Variants in KYAT1 observed in about 807,000 individuals in gnomAD.
KYAT1 encodes the protein kynurenine aminotransferase 1.
Under a neutral mutation model 52.4 loss-of-function variants are expected in KYAT1, and 47 were observed. The observed-to-expected ratio is 0.90, with a 90% CI of 0.71 to 1.14. The LOEUF is 1.14. Ranked by LOEUF, KYAT1 falls within the 50% of genes most tolerant of loss-of-function variation. The pLI is 0.00. For missense variants in KYAT1, 480 were observed against 557.9 expected (o/e 0.86, Z 1.41); for synonymous variants, 212 against 209.6 (o/e 1.01, Z -0.10).
chr9:128,870,374 G>A (rs773849089), intron 1 of KYAT1, among the ~76,000 whole-genome samples: 3 of 152,170 alleles, frequency 2.0e-5, no homozygotes, highest in Admixed American at 6.6e-5. Context: ...AGGCCAGGGC[G>A]ACATGGCTGA....
intron 1 of KYAT1, among the ~76,000 whole-genome samples, chr9:128,865,802 G>C (rs1836287522): frequency 6.6e-6 from 1 of 152,112 alleles, no homozygotes; most frequent in African/African-American, 2.4e-5. Flanking sequence ...GATAACCAGG[G>C]ATGGGGAACT....
chr9:128,836,861 C>A lies in KYAT1; in HGVS notation c.629G>T (p.Cys210Phe), dbSNP rs368068839. 2.5e-6 allele frequency: 4 copies of A among 1,613,864 alleles called. No homozygotes were observed. Among genetic ancestry groups the A allele is most frequent in the Non-Finnish European group, 3.4e-6 (4 of 1,179,990 alleles). Reference sequence around the variant, plus strand: ...CCACTGGTAGACTTCATCAGTGATACACACCACGTCATGCTGCTGGCAAAG... The same window carrying A: ...CCACTGGTAGACTTCATCAGTGATAAACACCACGTCATGCTGCTGGCAAAG... Reference protein sequence around the residue: ...ASLCQQHDVVCITDEVYQWMV... With the variant: ...ASLCQQHDVVFITDEVYQWMV... Residue 210 changes from cysteine to phenylalanine, a missense_variant, in exon 7 of 13, where the codon TGT (cysteine) becomes TTT (phenylalanine). Physicochemically the swap from Cys to Phe is radical, Grantham distance 205 (BLOSUM62 -2). Transcript: ENST00000302586.
rs373732706 is a variant in KYAT1 at position 128,838,126 on chromosome 9, G to A, written c.363C>T (p.Ile121=). ...LVDEGDEVII[I]EPFFDCYEPM... ...GCTCGTAGCAGTCAAAAAAGGGTTC[G>A]ATGATGATGACCTGATATAAGGGTC... The change falls in exon 5 of 13, where the codon ATC becomes ATT. Residue 121 remains isoleucine (I), a synonymous_variant. Transcript: ENST00000302586. The A allele has an allele frequency of 1.9e-5, 31 of 1,614,082 alleles. No individual in the cohort carries two copies. Among genetic ancestry groups the A allele is most frequent in the South Asian group, 1.4e-4 (13 of 91,074 alleles).
intron 1 of KYAT1, chr9:128,847,389 C>A: frequency 7.4e-7 from 1 of 1,360,328 alleles, no homozygotes. Context: ...CCCCAGAAGC[C>A]CCAGGCCATG....
intron 1 of KYAT1, among the ~76,000 whole-genome samples, chr9:128,857,697 G>A (rs1485201273): frequency 3.3e-5 from 5 of 152,138 alleles, no homozygotes; most frequent in African/African-American, 7.2e-5. Flanking sequence ...TTAGCTGGGC[G>A]TGGTGGTGGG....
chr9:128,836,172 C>A, intron 7 of KYAT1, 99 bp from the exon 8 acceptor site: 1 of 944,004 alleles, frequency 1.1e-6, no homozygotes, highest in Non-Finnish European at 1.6e-6. Flanking sequence ...GCTTTTGACA[C>A]CCTGGATTCC....
At chr9:128,861,771 C>T (rs918371305) in intron 1 of KYAT1, among the ~76,000 whole-genome samples, 4 of 152,234 alleles carry the variant, frequency 2.6e-5, no homozygotes, top group African/African-American at 9.6e-5. Context: ...GGATGAGCGG[C>T]CCAAGGGCAG....
At chr9:128,846,507 G>A (rs2977993) in intron 1 of KYAT1, among the ~76,000 whole-genome samples, 87,085 of 149,822 alleles carry the variant, frequency 0.58, 28,513 homozygotes, top group Non-Finnish European at 0.71. Context: ...GCTGAGGCCT[G>A]AGAATCACTT....
intron 1 of KYAT1, among the ~76,000 whole-genome samples, chr9:128,880,978 A>G (rs1838777215): frequency 3.3e-5 from 5 of 152,202 alleles, no homozygotes; most frequent in Admixed American, 1.3e-4. Context: ...GACAACCGCA[A>G]TTAACAACTT....
chr9:128,870,950 CAAA>C (rs11334239), intron 1 of KYAT1, among the ~76,000 whole-genome samples: 6 of 98,018 alleles, frequency 6.1e-5, no homozygotes, highest in African/African-American at 2.0e-4. Flanking sequence ...ACCTCAATTA[CAAA>C]AAAAAAAAAA....
At chr9:128,857,046 G>T (rs773205758) in intron 1 of KYAT1, among the ~76,000 whole-genome samples, 3 of 152,248 alleles carry the variant, frequency 2.0e-5, no homozygotes, top group African/African-American at 7.2e-5. Flanking sequence ...GCCCTATGGC[G>T]GGAGGCGAGA....
chr9:128,865,378 T>TTA (rs1836224723), intron 1 of KYAT1, among the ~76,000 whole-genome samples: 1 of 104,604 alleles, frequency 9.6e-6, no homozygotes, highest in Non-Finnish European at 1.8e-5. Context: ...TTTTTTTTTT[T>TTA]TGAGACAGAG....
chr9:128,860,095 C>G (rs975289242), intron 1 of KYAT1: 4 of 152,128 alleles, frequency 2.6e-5, no homozygotes, highest in African/African-American at 9.7e-5. Flanking sequence ...GTTTTGATAT[C>G]CAAAGGGCAG....
At chr9:128,863,997 A>G (rs191905554) in intron 1 of KYAT1, among the ~76,000 whole-genome samples, 252 of 152,094 alleles carry the variant, frequency 1.7e-3, no homozygotes, top group African/African-American at 5.7e-3. Flanking sequence ...CAGCCCTGGC[A>G]GTCACCTTTT....
At chr9:128,838,806 A>C (rs935506112) in intron 3 of KYAT1, among the ~76,000 whole-genome samples, 1 of 152,182 alleles carries the variant, frequency 6.6e-6, no homozygotes, top group Non-Finnish European at 1.5e-5. Flanking sequence ...GAACCAGAGG[A>C]AGTGCTTGCC....
chr9:128,865,196 G>C (rs1400562358), intron 1 of KYAT1, among the ~76,000 whole-genome samples: 2 of 138,472 alleles, frequency 1.4e-5, no homozygotes, highest in African/African-American at 5.8e-5. Context: ...CTGCACTGCA[G>C]CCTGAGTGAC....
At chr9:128,846,616 A>G (rs1263469839) in intron 1 of KYAT1, 3 of 1,048,480 alleles carry the variant, frequency 2.9e-6, no homozygotes, top group Non-Finnish European at 3.9e-6. Flanking sequence ...AAAAAAAAAA[A>G]AAAAAAAAAG....
intron 1 of KYAT1, among the ~76,000 whole-genome samples, chr9:128,878,511 T>C (rs1052555180): frequency 2.6e-5 from 4 of 152,280 alleles, no homozygotes; most frequent in Middle Eastern, 3.4e-3. Flanking sequence ...TCTCTTATTA[T>C]ATAATGAATC....
Position 128,836,937 on chromosome 9 carries a change from G to A in KYAT1, c.568-15C>T, listed in dbSNP as rs761854557. On this transcript the variant is annotated splice_polypyrimidine_tract_variant and intron_variant, in intron 6 of 12. Coordinates refer to ENST00000302586, the MANE Select transcript of KYAT1 (RefSeq NM_004059.5). ...CTGGAGAACACCTGCAGATGCCCAAGGAGAGCACAGACCTGCAGCTGGGAC... is the reference window on the plus strand; with the variant it reads ...CTGGAGAACACCTGCAGATGCCCAAAGAGAGCACAGACCTGCAGCTGGGAC... 3.3e-5 allele frequency: 53 copies of A among 1,608,688 alleles called. No homozygotes were observed. The highest frequency in any genetic ancestry group is 4.2e-5 in the Non-Finnish European group (50 of 1,178,788).
Sources: allele counts gnomAD v4.1 joint callset (sites outside exome capture counted in the v4.1 genomes callset), GRCh38; gene constraint gnomAD v4.1.1; transcripts MANE v1.5; gene names NCBI Gene and HGNC (gene_info 2026-07-23, HGNC 2026-07-21).